Variants in ADAMTS3 observed in about 807,000 individuals in gnomAD.
ADAMTS3 encodes A disintegrin and metalloproteinase with thrombospondin motifs 3.
ADAMTS3 carries 73 observed loss-of-function variants against 129.0 expected under a neutral mutation model. The ratio of observed to expected loss-of-function variants is 0.57; its 90% CI spans 0.47 to 0.69. The LOEUF is 0.69. ADAMTS3 is among the 30% of genes least tolerant of loss of function. The pLI is 0.00. For missense variants in ADAMTS3, 1,457 were observed against 1,514.5 expected (o/e 0.96, Z 0.63); for synonymous variants, 477 against 510.8 (o/e 0.93, Z 0.89).
chr4:72,331,646 C>T (rs1719856401), intron 5 of ADAMTS3, among the ~76,000 whole-genome samples: 1 of 152,068 alleles, frequency 6.6e-6, no homozygotes, highest in African/African-American at 2.4e-5. Flanking sequence ...TCAATTTTAC[C>T]ATGCAGACCA....
intron 3 of ADAMTS3, among the ~76,000 whole-genome samples, chr4:72,458,544 T>C (rs1718684774): frequency 6.6e-6 from 1 of 151,748 alleles, no homozygotes; most frequent in East Asian, 2.0e-4. Context: ...AATAGGGATG[T>C]TTTAAAACTT....
At chr4:72,474,784 T>C (rs1719180347) in intron 3 of ADAMTS3, among the ~76,000 whole-genome samples, 2 of 152,064 alleles carry the variant, frequency 1.3e-5, no homozygotes, top group Admixed American at 6.6e-5. Context: ...CCCAGCACTT[T>C]GGGAGGCCGA....
At position 72,499,285 on chromosome 4, in the gene ADAMTS3, G is replaced by A. The variant is rs775621000; in HGVS notation, c.504+49193C>T. 2.0e-5 allele frequency among the ~76,000 whole-genome samples: 3 copies of A among 152,212 alleles called. No individual in the cohort carries two copies. In the South Asian group the frequency reaches 6.2e-4, roughly 32 times the overall value. On this transcript the variant is annotated intron_variant, in intron 3 of 21. Transcript: ENST00000286657. ...TAAAAATCTATTCACAAAAGTAAGC[G>A]CAAGCTTTAGATACTTGTTAACAGC...
chr4:72,297,105 C>T (rs1037733124), intron 18 of ADAMTS3, among the ~76,000 whole-genome samples: 7 of 152,000 alleles, frequency 4.6e-5, no homozygotes, highest in Non-Finnish European at 7.4e-5. Flanking sequence ...TATAATTTTA[C>T]CATTCATTCA....
At chr4:72,435,588 T>C (rs958905115) in intron 3 of ADAMTS3, among the ~76,000 whole-genome samples, 3 of 151,892 alleles carry the variant, frequency 2.0e-5, no homozygotes, top group African/African-American at 2.4e-5. Flanking sequence ...TGCTTACTTC[T>C]GAATCCTTTA....
intron 4 of ADAMTS3, among the ~76,000 whole-genome samples, chr4:72,360,322 G>C (rs996290167): frequency 1.3e-5 from 2 of 151,934 alleles, no homozygotes; most frequent in Admixed American, 6.6e-5. Context: ...TACTGAAAAG[G>C]ACACAAATTC....
intron 3 of ADAMTS3, among the ~76,000 whole-genome samples, chr4:72,490,329 TC>T (rs988894738): frequency 2.4e-4 from 37 of 152,112 alleles, no homozygotes; most frequent in African/African-American, 7.9e-4. Context: ...GTCATTTATT[TC>T]TATGCAAATG....
intron 3 of ADAMTS3, among the ~76,000 whole-genome samples, chr4:72,510,074 TAA>T (rs34361916): frequency 1.5e-3 from 220 of 145,280 alleles, no homozygotes; most frequent in East Asian, 7.2e-3. Context: ...CCCTTCATGA[TAA>T]AAAAAAAAAA....
chr4:72,477,318 G>T (rs535502618), intron 3 of ADAMTS3, among the ~76,000 whole-genome samples: 43 of 152,190 alleles, frequency 2.8e-4, no homozygotes, highest in African/African-American at 1.0e-3. Flanking sequence ...AAATGTAAAA[G>T]AACAGAAATT....
intron 4 of ADAMTS3, among the ~76,000 whole-genome samples, chr4:72,395,306 C>A (rs1475193526): frequency 6.6e-6 from 1 of 152,096 alleles, no homozygotes; most frequent in African/African-American, 2.4e-5. Flanking sequence ...ATGATAGACT[C>A]CTTTGAAAAC....
In ADAMTS3 at chr4:72,332,132, C is replaced by T. The variant is rs143183380; in HGVS notation, c.861+7362G>A. Among the ~76,000 whole-genome samples, 1,069 of 152,238 alleles carry T rather than the reference C, an allele frequency of 7.0e-3. 6 individuals carry two copies. The highest frequency in any genetic ancestry group is 0.012 in the Non-Finnish European group (814 of 68,004). On this transcript the variant is annotated intron_variant, in intron 5 of 21. Coordinates refer to ENST00000286657, the MANE Select transcript of ADAMTS3 (RefSeq NM_014243.3). ...AAGAAACGGATTATAGATAATGACT[C>T]AAAACAGAAAACTGCTACATGATAT...
At chr4:72,439,786 T>C (rs1382637927) in intron 3 of ADAMTS3, among the ~76,000 whole-genome samples, 2 of 151,684 alleles carry the variant, frequency 1.3e-5, no homozygotes. Context: ...GTATAAGCCT[T>C]ACCGTGGCAT....
intron 3 of ADAMTS3, among the ~76,000 whole-genome samples, chr4:72,532,988 T>C (rs1721084145): frequency 6.6e-6 from 1 of 152,130 alleles, no homozygotes; most frequent in African/African-American, 2.4e-5. Flanking sequence ...AGCACCACAC[T>C]TAGGCTACAC....
chr4:72,406,390 T>G (rs1722053695), intron 4 of ADAMTS3, among the ~76,000 whole-genome samples: 1 of 152,160 alleles, frequency 6.6e-6, no homozygotes, highest in South Asian at 2.1e-4. Context: ...ACGGAACTAC[T>G]TTTTCCTGTT....
In ADAMTS3 at chr4:72,319,855, T is replaced by C. The variant is rs1719506940; in HGVS notation, c.1208+3A>G. 1.9e-6 allele frequency: 3 copies of C among 1,610,664 alleles called. No individual in the cohort carries two copies. The highest frequency in any genetic ancestry group is 1.7e-4 in the Middle Eastern group (1 of 6,054). ...GGCTTTATAGCTGTCAGCAGTGACT[T>C]ACACATGGCCCGTTTCATGGGCTAC... On this transcript the variant is annotated splice_donor_region_variant and intron_variant, in intron 8 of 21. Transcript: ENST00000286657.
At chr4:72,499,299 CTTG>C (rs1386947177) in intron 3 of ADAMTS3, among the ~76,000 whole-genome samples, 3 of 152,120 alleles carry the variant, frequency 2.0e-5, no homozygotes, top group Non-Finnish European at 2.9e-5. Context: ...GCTTTAGATA[CTTG>C]TTAACAGCAC....
At chr4:72,328,660 T>C (rs996561077) in intron 5 of ADAMTS3, among the ~76,000 whole-genome samples, 1 of 151,248 alleles carries the variant, frequency 6.6e-6, no homozygotes, top group Admixed American at 6.6e-5. Context: ...TGAGTTCATA[T>C]AGGTACAGTA....
intron 20 of ADAMTS3, among the ~76,000 whole-genome samples, chr4:72,290,249 G>A (rs1459587478): frequency 2.6e-5 from 4 of 151,992 alleles, no homozygotes; most frequent in East Asian, 1.9e-4. Flanking sequence ...AAGAATCAGA[G>A]TTATAATACT....
chr4:72,522,503 G>C (rs1239288854), intron 3 of ADAMTS3, among the ~76,000 whole-genome samples: 4 of 152,136 alleles, frequency 2.6e-5, no homozygotes, highest in African/African-American at 9.7e-5. Flanking sequence ...TTAAGCGAGA[G>C]GAAACTCAGA....
Sources: gnomAD v4.1 joint callset for allele counts (sites outside exome capture counted in the v4.1 genomes callset) on GRCh38, gnomAD v4.1.1 for gene constraint, MANE v1.5 for transcripts, NCBI Gene and HGNC (gene_info 2026-07-23, HGNC 2026-07-21) for gene names.